Variants in ZC3H12B observed in about 807,000 individuals in gnomAD.
The protein encoded by ZC3H12B is zinc finger CCCH-type containing 12B, also known as probable ribonuclease ZC3H12B.
Under a neutral mutation model 43.9 loss-of-function variants are expected in ZC3H12B, and 7 were observed. The observed-to-expected ratio is 0.16, with a 90% CI of 0.09 to 0.30. The LOEUF is 0.30. Ranked by LOEUF, ZC3H12B falls within the 10% of genes least tolerant of loss-of-function variation. ZC3H12B has a pLI of 1.00. For missense variants in ZC3H12B, 475 were observed against 670.2 expected (o/e 0.71, Z 3.22); for synonymous variants, 222 against 241.7 (o/e 0.92, Z 0.76).
intron 3 of ZC3H12B, among the ~76,000 whole-genome samples, chrX:65,450,902 T>C (rs75104041): frequency 0.076 from 6,094 of 80,243 alleles, 328 homozygotes; most frequent in Non-Finnish European, 0.11. Context: ...TGTATATATA[T>C]ACATATATAC....
chrX:65,157,994 T>C, the ZC3H12B span, among the ~76,000 whole-genome samples: 23 of 96,832 alleles, frequency 2.4e-4, no homozygotes, highest in Admixed American at 8.7e-4. Flanking sequence ...CATTGTTCAA[T>C]TCCCACCTAT....
At chrX:65,274,435 C>G in the ZC3H12B span, among the ~76,000 whole-genome samples, 1 of 110,427 alleles carries the variant, frequency 9.1e-6, no homozygotes, top group Non-Finnish European at 1.9e-5. Context: ...TACTCCAAGC[C>G]CACATGGGTA....
the ZC3H12B span, among the ~76,000 whole-genome samples, chrX:65,260,234 TA>T: frequency 9.0e-6 from 1 of 110,528 alleles, no homozygotes; most frequent in Non-Finnish European, 1.9e-5. Flanking sequence ...AAAAAATTTT[TA>T]AGCAGTAGCA....
chrX:65,130,866 T>C, the ZC3H12B span, among the ~76,000 whole-genome samples: 1 of 111,968 alleles, frequency 8.9e-6, no homozygotes, highest in African/African-American at 3.3e-5. Context: ...GCTGCTTTTT[T>C]AGCTACCTTA....
chrX:65,359,126 A>T, the ZC3H12B span, among the ~76,000 whole-genome samples: 1 of 111,115 alleles, frequency 9.0e-6, no homozygotes, highest in Non-Finnish European at 1.9e-5. Context: ...GGTTTATTGA[A>T]CATTTTAGGC....
chrX:65,161,737 T>C, the ZC3H12B span, among the ~76,000 whole-genome samples: 2 of 112,328 alleles, frequency 1.8e-5, no homozygotes, highest in South Asian at 7.3e-4. Flanking sequence ...CAGTGTCTTT[T>C]AATTGGAGCA....
intron 3 of ZC3H12B, among the ~76,000 whole-genome samples, chrX:65,416,775 C>G (rs1164141619): frequency 9.5e-6 from 1 of 105,459 alleles, no homozygotes; most frequent in Non-Finnish European, 1.9e-5. Flanking sequence ...GGCAACAGAG[C>G]GAGACTCCGT....
intron 3 of ZC3H12B, among the ~76,000 whole-genome samples, chrX:65,411,665 G>T (rs751955722): frequency 4.2e-4 from 46 of 110,321 alleles, no homozygotes; most frequent in Admixed American, 4.9e-4. Flanking sequence ...GGCAGAGGTT[G>T]CAGTGAGCCG....
the ZC3H12B span, among the ~76,000 whole-genome samples, chrX:65,157,884 T>G: frequency 5.8e-5 from 6 of 102,822 alleles, no homozygotes; most frequent in Non-Finnish European, 1.0e-4. Context: ...AACTCGTCAT[T>G]TAGCATTAGG....
At chrX:65,378,870 A>C (rs2148002491) in intron 2 of ZC3H12B, among the ~76,000 whole-genome samples, 1 of 112,088 alleles carries the variant, frequency 8.9e-6, no homozygotes, top group East Asian at 2.8e-4. Flanking sequence ...AAATCGGGTC[A>C]CTCCCACCCT....
chrX:65,242,950 C>T, the ZC3H12B span, among the ~76,000 whole-genome samples: 1 of 111,961 alleles, frequency 8.9e-6, no homozygotes, highest in Non-Finnish European at 1.9e-5. Context: ...AATAGTCTCC[C>T]GTCTCTTGCC....
the ZC3H12B span, among the ~76,000 whole-genome samples, chrX:65,062,046 G>T: frequency 1.8e-5 from 2 of 112,019 alleles, no homozygotes; most frequent in Non-Finnish European, 3.8e-5. Context: ...TAAGTTCCTT[G>T]TAGATTCTGG....
the ZC3H12B span, among the ~76,000 whole-genome samples, chrX:65,112,636 G>A: frequency 9.0e-6 from 1 of 111,677 alleles, no homozygotes; most frequent in Non-Finnish European, 1.9e-5. Context: ...TCTATAGATG[G>A]AACTATAAAG....
At chrX:65,069,068 A>G in the ZC3H12B span, among the ~76,000 whole-genome samples, 1 of 108,659 alleles carries the variant, frequency 9.2e-6, no homozygotes, top group Non-Finnish European at 1.9e-5. Context: ...TTTATCTTTG[A>G]TCTTTGGGAG....
the ZC3H12B span, among the ~76,000 whole-genome samples, chrX:65,338,943 A>AAGAACTGG: frequency 8.9e-6 from 1 of 112,356 alleles, no homozygotes; most frequent in African/African-American, 3.2e-5. Context: ...TATTCTTCAT[A>AAGAACTGG]AGAACTGGAA....
the ZC3H12B span, among the ~76,000 whole-genome samples, chrX:65,127,025 G>A: frequency 9.1e-6 from 1 of 110,482 alleles, no homozygotes; most frequent in Admixed American, 9.7e-5. Context: ...TCTTGTTTTG[G>A]ATCCATTGCT....
At chrX:65,058,146 G>A in the ZC3H12B span, among the ~76,000 whole-genome samples, 1 of 111,953 alleles carries the variant, frequency 8.9e-6, no homozygotes, top group Non-Finnish European at 1.9e-5. Flanking sequence ...CCTTTGGAGG[G>A]GGAGAGGTGC....
the ZC3H12B span, among the ~76,000 whole-genome samples, chrX:65,167,044 T>C: frequency 2.7e-5 from 3 of 112,221 alleles, no homozygotes; most frequent in East Asian, 8.3e-4. Flanking sequence ...CCCTTTATTT[T>C]AATTAGATTG....
the ZC3H12B span, among the ~76,000 whole-genome samples, chrX:65,160,708 C>T: frequency 2.7e-5 from 3 of 111,496 alleles, no homozygotes; most frequent in Non-Finnish European, 3.8e-5. Flanking sequence ...TTTCAAAAAA[C>T]CAGTGCCTGG....
Sources: allele counts gnomAD v4.1 joint callset (sites outside exome capture counted in the v4.1 genomes callset), GRCh38; gene constraint gnomAD v4.1.1; transcripts MANE v1.5; gene names NCBI Gene and HGNC (gene_info 2026-07-23, HGNC 2026-07-21).